Variants in PCDH15 observed in about 807,000 individuals in gnomAD.
The protein encoded by PCDH15 is protocadherin related 15, also known as protocadherin-15.
A neutral mutation model predicts 178.5 loss-of-function variants in PCDH15; 129 were observed. The observed-to-expected ratio is 0.72, with a 90% CI of 0.63 to 0.84. The LOEUF is 0.84. PCDH15 is among the 40% of genes least tolerant of loss of function. PCDH15 has a pLI of 0.00. For missense variants in PCDH15, 2,230 were observed against 2,099.9 expected, an observed-to-expected ratio of 1.06 and a Z score of -1.21; for synonymous variants, 800 against 732.0, an observed-to-expected ratio of 1.09 and a Z score of -1.50.
At chr10:54,094,982 T>A (rs1382056146) in intron 15 of PCDH15, among the ~76,000 whole-genome samples, 2 of 152,172 alleles carry the variant, frequency 1.3e-5, no homozygotes, top group Non-Finnish European at 2.9e-5. Flanking sequence ...TAAACTAATC[T>A]TCTGTTCATG....
At chr10:54,220,639 C>A (rs1021877441) in intron 9 of PCDH15, among the ~76,000 whole-genome samples, 1 of 152,090 alleles carries the variant, frequency 6.6e-6, no homozygotes, top group Admixed American at 6.6e-5. Context: ...TCCTGGCTAA[C>A]ACGGTGAAAC....
chr10:55,587,974 T>C (rs1842760577), intron 2 of PCDH15, among the ~76,000 whole-genome samples: 1 of 152,178 alleles, frequency 6.6e-6, no homozygotes, highest in African/African-American at 2.4e-5. Context: ...GTTTTGACAC[T>C]TGTACAAGTG....
chr10:54,032,477 T>A (rs2093320901), intron 18 of PCDH15, among the ~76,000 whole-genome samples: 1 of 152,042 alleles, frequency 6.6e-6, no homozygotes, highest in Non-Finnish European at 1.5e-5. Context: ...CTGCCAAAAT[T>A]TCTTCTGAAG....
intron 8 of PCDH15, among the ~76,000 whole-genome samples, chr10:54,274,286 A>G (rs1328196500): frequency 3.3e-5 from 5 of 151,970 alleles, no homozygotes; most frequent in South Asian, 4.1e-4. Context: ...CCTAAACTTA[A>G]AAGTTAAAAA....
intron 1 of PCDH15, among the ~76,000 whole-genome samples, chr10:54,722,602 T>A: frequency 6.7e-6 from 1 of 148,210 alleles, no homozygotes; most frequent in Non-Finnish European, 1.5e-5. Flanking sequence ...AAATGTCAAA[T>A]TATCTCTGTT....
intron 3 of PCDH15, among the ~76,000 whole-genome samples, chr10:54,384,721 A>T (rs1949715045): frequency 1.3e-5 from 2 of 152,140 alleles, no homozygotes; most frequent in African/African-American, 2.4e-5. Context: ...GAACAAATTA[A>T]AGTTTTTTCC....
chr10:54,194,608 A>ATGTG (rs139042978), intron 11 of PCDH15, among the ~76,000 whole-genome samples: 152 of 115,502 alleles, frequency 1.3e-3, no homozygotes, highest in Middle Eastern at 4.1e-3. Context: ...TGTTTTATAT[A>ATGTG]TATGTGTGTG....
At chr10:54,189,593 A>G (rs1027036695) in intron 11 of PCDH15, among the ~76,000 whole-genome samples, 1 of 152,178 alleles carries the variant, frequency 6.6e-6, no homozygotes, top group African/African-American at 2.4e-5. Context: ...AGTATATTGA[A>G]TTAAATATCA....
chr10:54,281,951 GC>G (rs1189877403), intron 8 of PCDH15, among the ~76,000 whole-genome samples: 14 of 151,972 alleles, frequency 9.2e-5, no homozygotes, highest in Admixed American at 9.2e-4. Context: ...TACAATACCT[GC>G]CCATGTCAAT....
chr10:55,523,708 A>G (rs1443625325), intron 2 of PCDH15, among the ~76,000 whole-genome samples: 1 of 151,568 alleles, frequency 6.6e-6, no homozygotes, highest in Non-Finnish European at 1.5e-5. Context: ...CATGAGTTCA[A>G]CCTTATCAGA....
At chr10:54,051,634 T>G (rs1754207767) in intron 18 of PCDH15, among the ~76,000 whole-genome samples, 1 of 152,110 alleles carries the variant, frequency 6.6e-6, no homozygotes. Flanking sequence ...GTCTGGAAAA[T>G]TTGCAGCCTG....
intron 13 of PCDH15, among the ~76,000 whole-genome samples, chr10:54,166,881 C>G (rs538763216): frequency 5.9e-5 from 9 of 152,290 alleles, no homozygotes; most frequent in East Asian, 1.9e-4. Flanking sequence ...TCCTTTTCCT[C>G]GCTCATCCTG....
chr10:55,376,269 C>T (rs1837392315), intron 2 of PCDH15, among the ~76,000 whole-genome samples: 1 of 152,032 alleles, frequency 6.6e-6, no homozygotes, highest in Non-Finnish European at 1.5e-5. Flanking sequence ...AGTTTTCGAT[C>T]CACTTAGATA....
intron 5 of PCDH15, among the ~76,000 whole-genome samples, chr10:54,350,527 A>G (rs773127931): frequency 1.3e-5 from 2 of 152,228 alleles, no homozygotes; most frequent in Non-Finnish European, 2.9e-5. Context: ...CATATGAGAT[A>G]GGGTTGAGGC....
chr10:54,326,592 C>T (rs954354820), intron 7 of PCDH15, among the ~76,000 whole-genome samples: 2 of 151,678 alleles, frequency 1.3e-5, no homozygotes, highest in Admixed American at 1.3e-4. Flanking sequence ...ATTAATATAC[C>T]CATTTTACTG....
chr10:54,514,762 T>TCAAATAATACAAATAATACAAATA (rs2082043747), intron 3 of PCDH15, among the ~76,000 whole-genome samples: 1 of 152,036 alleles, frequency 6.6e-6, no homozygotes, highest in Non-Finnish European at 1.5e-5. Flanking sequence ...AAAAGAATAT[T>TCAAATAATACAAATAATACAAATA]CAAATAATAC....
chr10:55,077,980 T>G (rs1018764918), intron 2 of PCDH15, among the ~76,000 whole-genome samples: 1 of 152,218 alleles, frequency 6.6e-6, no homozygotes, highest in Non-Finnish European at 1.5e-5. Flanking sequence ...GTTCAGAACT[T>G]CTTTCAGCAT....
intron 3 of PCDH15, among the ~76,000 whole-genome samples, chr10:54,482,897 G>A (rs980062793): frequency 4.6e-5 from 7 of 151,796 alleles, no homozygotes; most frequent in African/African-American, 9.7e-5. Context: ...ACTGACTGCA[G>A]GGGGACTATG....
intron 8 of PCDH15, among the ~76,000 whole-genome samples, chr10:54,244,510 T>C (rs1002014942): frequency 6.6e-6 from 1 of 152,242 alleles, no homozygotes; most frequent in Non-Finnish European, 1.5e-5. Context: ...TGTTCCACGC[T>C]GTCCAAGTGA....
Sources: allele counts gnomAD v4.1 joint callset (sites outside exome capture counted in the v4.1 genomes callset), GRCh38; gene constraint gnomAD v4.1.1; transcripts MANE v1.5; gene names NCBI Gene and HGNC (gene_info 2026-07-23, HGNC 2026-07-21).